The following DOCK1 variants were observed in gnomAD, a reference collection of about 807,000 sequenced individuals.
DOCK1 encodes dedicator of cytokinesis 1.
DOCK1 carries 138 observed loss-of-function variants against 262.7 expected under a neutral mutation model. The observed-to-expected ratio is 0.53, with a 90% CI of 0.46 to 0.61. DOCK1 has a LOEUF of 0.61. Ranked by LOEUF, DOCK1 falls within the 20% of genes least tolerant of loss-of-function variation. The pLI, the probability that DOCK1 is intolerant of heterozygous loss-of-function variation, is 0.00. For synonymous variants in DOCK1, 866 were observed against 867.4 expected (o/e 1.00, Z 0.03); for missense variants, 1,908 against 2,370.7 (o/e 0.80, Z 4.05).
chr10:127,212,248 A>G (rs2058014873), intron 27 of DOCK1, among the ~76,000 whole-genome samples: 1 of 152,130 alleles, frequency 6.6e-6, no homozygotes. Context: ...AATTATTTCA[A>G]GAATCATTTT....
chr10:127,377,784 C>G (rs999677807), intron 35 of DOCK1, among the ~76,000 whole-genome samples: 1 of 148,634 alleles, frequency 6.7e-6, no homozygotes, highest in Non-Finnish European at 1.5e-5. Context: ...CCCAGGTACT[C>G]GGGAGGCTGA....
intron 29 of DOCK1, among the ~76,000 whole-genome samples, chr10:127,294,739 C>T (rs915745791): frequency 2.4e-4 from 37 of 151,914 alleles, no homozygotes; most frequent in African/African-American, 8.2e-4. Context: ...ACCTCCGCCT[C>T]CCTGGTTCAA....
intron 16 of DOCK1, among the ~76,000 whole-genome samples, chr10:127,030,806 GTCTCTGTCTCTGTCTCTATCTCTA>G (rs2043184261): frequency 6.6e-6 from 1 of 151,426 alleles, no homozygotes; most frequent in South Asian, 2.1e-4. Context: ...CTCTGTCTCT[GTCTCTGTCTCTGTCTCTATCTCTA>G]TCTCTGTCTC....
At chr10:127,001,204 C>T (rs2040572985) in intron 10 of DOCK1, 1 of 152,172 alleles carries the variant, frequency 6.6e-6, no homozygotes, top group Non-Finnish European at 1.5e-5. Flanking sequence ...TGATTCTTGA[C>T]ACATAGCTGG....
At chr10:127,167,666 G>C (rs950638091) in intron 27 of DOCK1, among the ~76,000 whole-genome samples, 2 of 151,846 alleles carry the variant, frequency 1.3e-5, no homozygotes, top group Admixed American at 1.3e-4. Flanking sequence ...TAGCTCAGAG[G>C]CTAGGCCAGG....
At chr10:126,959,349 A>G (rs1386570938) in intron 1 of DOCK1, among the ~76,000 whole-genome samples, 10 of 152,222 alleles carry the variant, frequency 6.6e-5, no homozygotes, top group Admixed American at 5.2e-4. Flanking sequence ...GCAAAGAAAC[A>G]TGTTTTGGGG....
At chr10:127,132,045 G>A (rs867062990) in intron 27 of DOCK1, among the ~76,000 whole-genome samples, 4 of 152,112 alleles carry the variant, frequency 2.6e-5, no homozygotes, top group East Asian at 1.9e-4. Flanking sequence ...TCTTTCCATC[G>A]GAATAAGGCA....
At chr10:127,212,964 G>A (rs947451413) in intron 27 of DOCK1, among the ~76,000 whole-genome samples, 5 of 152,084 alleles carry the variant, frequency 3.3e-5, no homozygotes, top group Non-Finnish European at 7.4e-5. Flanking sequence ...TTTTTGTAAT[G>A]AGTGAAGATA....
chr10:126,998,466 T>C, intron 8 of DOCK1: 1 of 525,320 alleles, frequency 1.9e-6, no homozygotes, highest in Non-Finnish European at 3.4e-6. Context: ...GATTGCTATT[T>C]GCTCGTAGAG....
chr10:127,173,945 CACCAAGCTGGAGCA>C (rs2054823869), intron 27 of DOCK1, among the ~76,000 whole-genome samples: 1 of 152,218 alleles, frequency 6.6e-6, no homozygotes, highest in African/African-American at 2.4e-5. Flanking sequence ...AGGCCTCCTG[CACCAAGCTGGAGCA>C]GCCAGAGCCC....
intron 1 of DOCK1, among the ~76,000 whole-genome samples, chr10:126,916,788 G>A (rs897063251): frequency 3.3e-5 from 5 of 150,580 alleles, no homozygotes; most frequent in Admixed American, 2.7e-4. Context: ...TTAGACATTG[G>A]TATCTGGAGC....
intron 48 of DOCK1, among the ~76,000 whole-genome samples, chr10:127,434,436 C>T (rs545647585): frequency 5.9e-5 from 9 of 152,082 alleles, no homozygotes; most frequent in Non-Finnish European, 1.3e-4. Flanking sequence ...CAAGCTCAAG[C>T]GATCATAACC....
intron 1 of DOCK1, among the ~76,000 whole-genome samples, chr10:126,925,937 C>T (rs982241571): frequency 6.6e-6 from 1 of 151,906 alleles, no homozygotes; most frequent in African/African-American, 2.4e-5. Flanking sequence ...GAATCTTTGG[C>T]CCTGAGCTCC....
chr10:127,381,968 TGG>T (rs1271118167), intron 37 of DOCK1, among the ~76,000 whole-genome samples: 1 of 146,616 alleles, frequency 6.8e-6, no homozygotes, highest in African/African-American at 2.4e-5. Context: ...TATGGATGGA[TGG>T]ATGGATGGAT....
intron 29 of DOCK1, among the ~76,000 whole-genome samples, chr10:127,323,456 A>G (rs1490341381): frequency 6.6e-6 from 1 of 152,160 alleles, no homozygotes; most frequent in African/African-American, 2.4e-5. Flanking sequence ...GGCCACTTAA[A>G]TTGCAGTTTC....
At chr10:127,026,276 T>A (rs2042856402) in intron 15 of DOCK1, 76 bp from the exon 16 acceptor site, 9 of 1,314,250 alleles carry the variant, frequency 6.8e-6, no homozygotes, top group Non-Finnish European at 9.7e-6. Flanking sequence ...TTGTACCTGA[T>A]AGCTCCAGTT....
At chr10:127,088,614 T>C (rs1815990310) in intron 23 of DOCK1, among the ~76,000 whole-genome samples, 1 of 152,172 alleles carries the variant, frequency 6.6e-6, no homozygotes. Context: ...GTGAAAGGTA[T>C]GTTATATTTA....
chr10:126,946,229 A>G (rs1192610009), intron 1 of DOCK1, among the ~76,000 whole-genome samples: 2 of 152,180 alleles, frequency 1.3e-5, no homozygotes, highest in Non-Finnish European at 2.9e-5. Context: ...TCACCGTCCC[A>G]GACAGAAACT....
At chr10:127,236,571 T>C (rs2059072314) in intron 27 of DOCK1, among the ~76,000 whole-genome samples, 2 of 149,548 alleles carry the variant, frequency 1.3e-5, no homozygotes, top group South Asian at 4.3e-4. Context: ...TTTATTTGTC[T>C]GTCTGTCCTT....
Sources: gnomAD v4.1 joint callset for allele counts (sites outside exome capture counted in the v4.1 genomes callset) on GRCh38, gnomAD v4.1.1 for gene constraint, MANE v1.5 for transcripts, NCBI Gene and HGNC (gene_info 2026-07-23, HGNC 2026-07-21) for gene names.